SLIT3: variants seen among roughly 807,000 people sequenced by gnomAD.
SLIT3 encodes the protein slit homolog 3 protein.
In SLIT3, 68 loss-of-function variants were observed where a neutral mutation model predicts 184.0. The ratio of observed to expected loss-of-function variants is 0.37; its 90% CI spans 0.30 to 0.45. The LOEUF (loss-of-function observed/expected upper bound fraction) is 0.45, where lower values mean the gene tolerates loss of function less well. Ranked by LOEUF, SLIT3 falls within the 20% of genes least tolerant of loss-of-function variation. SLIT3 has a pLI of 1.00. For missense variants in SLIT3, 1,707 were observed against 2,026.0 expected (o/e 0.84, Z 3.02); for synonymous variants, 831 against 828.6 (o/e 1.00, Z -0.05).
intron 3 of SLIT3, among the ~76,000 whole-genome samples, chr5:169,202,135 G>A (rs553890811): frequency 3.6e-4 from 55 of 152,242 alleles, no homozygotes; most frequent in African/African-American, 1.3e-3. Context: ...CAGGAGGCTG[G>A]GTGGGAGGAT....
At chr5:168,669,145 T>C (rs992388502) in intron 35 of SLIT3, among the ~76,000 whole-genome samples, 1 of 152,260 alleles carries the variant, frequency 6.6e-6, no homozygotes, top group Non-Finnish European at 1.5e-5. Flanking sequence ...CCTTCTGGTA[T>C]TGATGCCCTT....
Position 169,260,443 on chromosome 5 carries a change from G to A in SLIT3, c.198-8984C>T, listed in dbSNP as rs75296438. On this transcript the variant is annotated intron_variant, in intron 1 of 35. Coordinates refer to ENST00000519560, the MANE Select transcript of SLIT3 (RefSeq NM_003062.4). The stretch of plus-strand genomic sequence containing the variant: ...ATGCAGGAAGGATCAGACCGAGGAC[G>A]GGGTATTCGTCCTCCCTGAGAGCTC... Among the ~76,000 whole-genome samples, 380 of 152,256 alleles carry A rather than the reference G, an allele frequency of 2.5e-3. 1 individual carries two copies. Among genetic ancestry groups the A allele is most frequent in the Middle Eastern group, 0.017 (5 of 294 alleles).
chr5:168,823,749 G>A (rs1015922890), intron 6 of SLIT3, among the ~76,000 whole-genome samples: 3 of 152,162 alleles, frequency 2.0e-5, no homozygotes, highest in African/African-American at 7.2e-5. Flanking sequence ...CTCATATTAT[G>A]GATGAGGAGG....
chr5:169,174,266 T>A (rs915469574), intron 4 of SLIT3, among the ~76,000 whole-genome samples: 1 of 152,142 alleles, frequency 6.6e-6, no homozygotes, highest in Admixed American at 6.5e-5. Context: ...TTTCTGTCAA[T>A]GATAATCCTG....
At chr5:169,122,925 A>C (rs771789265) in intron 4 of SLIT3, among the ~76,000 whole-genome samples, 8 of 152,226 alleles carry the variant, frequency 5.3e-5, no homozygotes, top group Non-Finnish European at 1.0e-4. Flanking sequence ...CTAGTTCTAA[A>C]ATCTAGGCCT....
At chr5:169,077,689 T>C (rs1177384839) in intron 4 of SLIT3, among the ~76,000 whole-genome samples, 3 of 152,212 alleles carry the variant, frequency 2.0e-5, no homozygotes, top group African/African-American at 7.2e-5. Flanking sequence ...GATTTTTGAC[T>C]GTGTGGGGGG....
At chr5:169,145,071 C>T (rs140187761) in intron 4 of SLIT3, among the ~76,000 whole-genome samples, 1 of 152,254 alleles carries the variant, frequency 6.6e-6, no homozygotes, top group Admixed American at 6.5e-5. Flanking sequence ...GGGCAGCGAA[C>T]CTTGTGAGGA....
intron 4 of SLIT3, among the ~76,000 whole-genome samples, chr5:169,117,696 C>T (rs1452360617): frequency 6.6e-6 from 1 of 152,168 alleles, no homozygotes; most frequent in African/African-American, 2.4e-5. Context: ...CCAGGGTTCC[C>T]GTTCTTTGGA....
intron 12 of SLIT3, among the ~76,000 whole-genome samples, chr5:168,784,434 C>A (rs767097684): frequency 6.6e-6 from 1 of 152,146 alleles, no homozygotes; most frequent in Non-Finnish European, 1.5e-5. Flanking sequence ...GGGGGAGATG[C>A]AGAGAAAGAG....
chr5:169,151,305 C>T (rs950991316), intron 4 of SLIT3, among the ~76,000 whole-genome samples: 4 of 152,176 alleles, frequency 2.6e-5, no homozygotes, highest in East Asian at 1.9e-4. Context: ...CCTGAGTGGT[C>T]CTGCTTCCCC....
intron 4 of SLIT3, among the ~76,000 whole-genome samples, chr5:169,063,579 C>T (rs935594648): frequency 6.6e-6 from 1 of 152,230 alleles, no homozygotes; most frequent in East Asian, 1.9e-4. Context: ...ATCTATTCCA[C>T]CTGTGGCCAC....
chr5:168,804,001 G>A lies in SLIT3; in HGVS notation c.935+2445C>T, dbSNP rs540706298. ...GAGAGAAGGGGAGAAATGCATCAAG[G>A]GAGGGAGAAAATGATGAAGGGGAGG... On this transcript the variant is annotated intron_variant, in intron 9 of 35. Coordinates refer to ENST00000519560, the MANE Select transcript of SLIT3 (RefSeq NM_003062.4). Among the ~76,000 whole-genome samples the A allele has an allele frequency of 3.8e-4, 57 of 151,620 alleles. No homozygotes were observed. The South Asian group carries it at 0.012, about 31-fold the overall frequency.
intron 13 of SLIT3, 66 bp downstream of exon 13, chr5:168,774,169 T>C (rs1581066755): frequency 2.0e-6 from 3 of 1,500,120 alleles, no homozygotes; most frequent in Non-Finnish European, 2.7e-6. Flanking sequence ...TGGGTGTTTT[T>C]CATGATGGGC....
chr5:169,244,648 AC>A (rs1356085183), intron 3 of SLIT3, 56 bp downstream of exon 3: 1 of 1,515,974 alleles, frequency 6.6e-7, no homozygotes, highest in African/African-American at 1.4e-5. Flanking sequence ...ACAAAACAAA[AC>A]AAAAAACACT....
At chr5:169,130,803 G>T (rs979806216) in intron 4 of SLIT3, among the ~76,000 whole-genome samples, 1 of 152,168 alleles carries the variant, frequency 6.6e-6, no homozygotes, top group Non-Finnish European at 1.5e-5. Context: ...CTACAAAGCA[G>T]TTAGTTAAAC....
intron 4 of SLIT3, among the ~76,000 whole-genome samples, chr5:169,146,208 A>T (rs1761918577): frequency 6.6e-6 from 1 of 152,240 alleles, no homozygotes; most frequent in Non-Finnish European, 1.5e-5. Flanking sequence ...TTCTCTAAGG[A>T]TATGCAATTA....
At chr5:168,971,036 C>T (rs1320499253) in intron 4 of SLIT3, among the ~76,000 whole-genome samples, 1 of 152,132 alleles carries the variant, frequency 6.6e-6, no homozygotes, top group Non-Finnish European at 1.5e-5. Context: ...CATCCACAGG[C>T]CAGATGTTAC....
At chr5:169,182,299 T>C (rs933341635) in intron 4 of SLIT3, among the ~76,000 whole-genome samples, 1 of 152,246 alleles carries the variant, frequency 6.6e-6, no homozygotes, top group Non-Finnish European at 1.5e-5. Flanking sequence ...GAAATTGACT[T>C]AAACGTCTCC....
At chr5:168,970,909 C>T (rs930239025) in intron 4 of SLIT3, among the ~76,000 whole-genome samples, 1 of 152,188 alleles carries the variant, frequency 6.6e-6, no homozygotes, top group Non-Finnish European at 1.5e-5. Flanking sequence ...TTATGCCAGG[C>T]ATTTTGCAGG....
Sources: allele counts gnomAD v4.1 joint callset (sites outside exome capture counted in the v4.1 genomes callset), GRCh38; gene constraint gnomAD v4.1.1; transcripts MANE v1.5; gene names NCBI Gene and HGNC (gene_info 2026-07-23, HGNC 2026-07-21).